The following RPTOR variants were observed in gnomAD, a reference collection of about 807,000 sequenced individuals.
The protein encoded by RPTOR is regulatory associated protein of MTOR complex 1, also known as regulatory-associated protein of mTOR.
Under a neutral mutation model 169.9 loss-of-function variants are expected in RPTOR, and 21 were observed. The ratio of observed to expected loss-of-function variants is 0.12; its 90% CI spans 0.09 to 0.18. The LOEUF is 0.18. Among genes scored for constraint, RPTOR ranks in the 10% least tolerant of loss-of-function variants. RPTOR has a pLI of 1.00. For synonymous variants in RPTOR, 732 were observed against 753.2 expected (o/e 0.97, Z 0.46); for missense variants, 1,133 against 1,855.9 (o/e 0.61, Z 7.16).
In RPTOR at chr17:80,695,470, G is replaced by C. The variant is rs1252576970; in HGVS notation, c.349-12371G>C. On this transcript the variant is annotated intron_variant, in intron 3 of 33. Transcript: ENST00000306801. This position sits in a 1 kb window ranked among gnomAD's most constrained non-coding sequence, Gnocchi z 4.9. ...CCCTGTAACAGTGGCCTCTGTTACA[G>C]AGGGGCAGGTGGGTGGCTCACGTGT... Among the ~76,000 whole-genome samples the C allele has an allele frequency of 1.3e-5, 2 of 152,186 alleles. No individual in the cohort carries two copies. The highest frequency in any genetic ancestry group is 2.9e-5 in the Non-Finnish European group (2 of 68,038).
chr17:80,808,679 C>T (rs959749548), intron 7 of RPTOR, among the ~76,000 whole-genome samples: 1 of 152,206 alleles, frequency 6.6e-6, no homozygotes, highest in Non-Finnish European at 1.5e-5. Flanking sequence ...GTTAATCCCT[C>T]TCCTTATCCC....
chr17:80,585,717 G>A (rs566350282), intron 1 of RPTOR, among the ~76,000 whole-genome samples: 1 of 152,282 alleles, frequency 6.6e-6, no homozygotes, highest in South Asian at 2.1e-4. Flanking sequence ...TCTACTTGGA[G>A]CCACTTATAT....
At position 80,759,968 on chromosome 17, in the gene RPTOR, C is replaced by T. The variant is rs549789510; in HGVS notation, c.830+5783C>T. Among the ~76,000 whole-genome samples, 15 of 152,258 alleles carry T rather than the reference C, an allele frequency of 9.9e-5. No individual in the cohort carries two copies. In the South Asian group the frequency reaches 2.9e-3, roughly 29 times the overall value. On this transcript the variant is annotated intron_variant, in intron 6 of 33. Coordinates refer to ENST00000306801, the MANE Select transcript of RPTOR (RefSeq NM_020761.3). ...GTGGACAGAATTTACGATTTCATAT[C>T]CTTAACCCTTCGCATTATACTAGAG...
intron 9 of RPTOR, among the ~76,000 whole-genome samples, chr17:80,834,582 C>T (rs1464106519): frequency 6.6e-6 from 1 of 152,182 alleles, no homozygotes; most frequent in African/African-American, 2.4e-5. Context: ...CAAGTGGGCC[C>T]CCAGCCTTTT....
At chr17:80,891,500 G>A (rs1282931612) in intron 17 of RPTOR, among the ~76,000 whole-genome samples, 2 of 152,246 alleles carry the variant, frequency 1.3e-5, no homozygotes, top group Non-Finnish European at 2.9e-5. Context: ...CAGGCATTCT[G>A]GGCTTCCCCC....
chr17:80,662,631 G>A (rs2065733469), intron 3 of RPTOR, among the ~76,000 whole-genome samples: 1 of 152,128 alleles, frequency 6.6e-6, no homozygotes, highest in Admixed American at 6.5e-5. Flanking sequence ...TTTGTAATGT[G>A]TTGTTTTCTA....
chr17:80,954,762 C>G (rs1244739904), intron 28 of RPTOR, among the ~76,000 whole-genome samples: 2 of 152,104 alleles, frequency 1.3e-5, no homozygotes, highest in Non-Finnish European at 1.5e-5. Flanking sequence ...ACTAAAAATA[C>G]AAAAATTAGC....
intron 3 of RPTOR, among the ~76,000 whole-genome samples, chr17:80,699,715 C>T (rs1469977824): frequency 1.6e-5 from 2 of 124,078 alleles, no homozygotes; most frequent in Non-Finnish European, 3.3e-5. Context: ...GTGCTGTGCA[C>T]GGTGCCCTGG....
intron 4 of RPTOR, among the ~76,000 whole-genome samples, chr17:80,714,430 A>G (rs2066223158): frequency 6.6e-6 from 1 of 152,224 alleles, no homozygotes; most frequent in African/African-American, 2.4e-5. Flanking sequence ...TGTTCACCAT[A>G]TGCTGAGCCA....
At chr17:80,669,614 C>T (rs967541880) in intron 3 of RPTOR, among the ~76,000 whole-genome samples, 2 of 152,044 alleles carry the variant, frequency 1.3e-5, no homozygotes, top group African/African-American at 4.8e-5. Context: ...GAACTCCTGA[C>T]CTCAGGTGAT....
chr17:80,781,493 T>C (rs913442045), intron 6 of RPTOR, among the ~76,000 whole-genome samples: 2 of 152,264 alleles, frequency 1.3e-5, no homozygotes, highest in South Asian at 2.1e-4. Flanking sequence ...ATAGGAAGAA[T>C]TTCCCAAGTC....
chr17:80,864,583 T>C (rs1368865658), intron 13 of RPTOR, among the ~76,000 whole-genome samples: 2 of 152,152 alleles, frequency 1.3e-5, no homozygotes, highest in South Asian at 2.1e-4. Flanking sequence ...ATAAAGACTT[T>C]TAAAGACATA....
In RPTOR at chr17:80,708,273, G is replaced by A. The variant is rs1257659828; in HGVS notation, c.507+274G>A. ...GACCAGCAGTTGTTTGTAATTCTCC[G>A]AGGACAGACCTCGAGAGTGTCTGCC... On this transcript the variant is annotated intron_variant, in intron 4 of 33. Transcript: ENST00000306801. This position sits in a 1 kb window ranked among gnomAD's most constrained non-coding sequence, Gnocchi z 4.2. Among the ~76,000 whole-genome samples the A allele has an allele frequency of 2.0e-5, 3 of 152,164 alleles. No individual in the cohort carries two copies. Among genetic ancestry groups the A allele is most frequent in the Admixed American group, 1.3e-4 (2 of 15,274 alleles).
chr17:80,942,579 G>A (rs34449704), intron 25 of RPTOR, among the ~76,000 whole-genome samples: 50,546 of 151,606 alleles, frequency 0.33, 8,609 homozygotes, highest in East Asian at 0.46. Context: ...GTGAGGCCGC[G>A]CCCTCCTCCC....
intron 33 of RPTOR, among the ~76,000 whole-genome samples, chr17:80,964,057 C>G (rs969518053): frequency 4.6e-5 from 7 of 152,176 alleles, no homozygotes; most frequent in African/African-American, 1.7e-4. Context: ...CGGGGCAGCG[C>G]CACGCCCCTC....
chr17:80,715,800 C>G (rs1049803371), intron 4 of RPTOR, among the ~76,000 whole-genome samples: 1 of 151,738 alleles, frequency 6.6e-6, no homozygotes, highest in African/African-American at 2.4e-5. Context: ...TCCCACGTAA[C>G]AGTGAAAATA....
At position 80,743,282 on chromosome 17, in the gene RPTOR, C is replaced by T. The variant is rs891767896; in HGVS notation, c.655-10728C>T. ...CAGCTGATGATGAACAAAATGTTTC[C>T]GGGGGTGAAGGCACCCATCTGGCAG... On this transcript the variant is annotated intron_variant, in intron 5 of 33. Coordinates refer to ENST00000306801, the MANE Select transcript of RPTOR (RefSeq NM_020761.3). 2.0e-5 allele frequency: 20 copies of T among 985,302 alleles called. No homozygotes were observed. The East Asian group carries it at 4.5e-4, about 22-fold the overall frequency. The allele number at this position is 985,302 out of a possible 1,614,324, so 61.0% of individuals were successfully genotyped here. A position where few individuals can be genotyped will look rare whatever the true frequency, so the allele number is the denominator to read the frequency against.
chr17:80,819,934 C>T (rs1353744693), intron 7 of RPTOR, among the ~76,000 whole-genome samples: 1 of 152,172 alleles, frequency 6.6e-6, no homozygotes, highest in Non-Finnish European at 1.5e-5. Flanking sequence ...CCCCATGGAG[C>T]GAGGACCTGA....
At position 80,759,187 on chromosome 17, in the gene RPTOR, TGTAAAAAAAA is replaced by T. The variant is rs1385877632; in HGVS notation, c.830+5009_830+5018del. On this transcript the variant is annotated intron_variant, in intron 6 of 33. Transcript: ENST00000306801. ...CCTGGGAACACAGGGAAACCCCATCTGTAAAAAAAAGTAAAATAAAGAAGTATGCTTTCAC... is the reference window on the plus strand; with the variant it reads ...CCTGGGAACACAGGGAAACCCCATCTGTAAAATAAAGAAGTATGCTTTCAC... Among the ~76,000 whole-genome samples the T allele has an allele frequency of 2.0e-5, 3 of 151,888 alleles. No individual in the cohort carries two copies. The East Asian group carries it at 5.8e-4, about 29-fold the overall frequency.
Sources: allele counts gnomAD v4.1 joint callset (sites outside exome capture counted in the v4.1 genomes callset), GRCh38; gene constraint gnomAD v4.1.1; non-coding constraint Gnocchi (gnomAD v3.1); transcripts MANE v1.5; gene names NCBI Gene and HGNC (gene_info 2026-07-23, HGNC 2026-07-21).